The following KIAA0513 variants were observed in gnomAD, a reference collection of about 807,000 sequenced individuals.
KIAA0513 encodes the protein KIAA0513, also known as uncharacterized protein KIAA0513.
KIAA0513 carries 39 observed loss-of-function variants against 56.5 expected under a neutral mutation model. The ratio of observed to expected loss-of-function variants is 0.69; its 90% CI spans 0.53 to 0.90. KIAA0513 has a LOEUF of 0.90. Among genes scored for constraint, KIAA0513 ranks in the 40% least tolerant of loss-of-function variants. The probability of loss-of-function intolerance (pLI) is 0.00; values close to 1 mark genes in which losing one functional copy is unlikely to be tolerated. For synonymous variants in KIAA0513, 268 were observed against 215.6 expected, an observed-to-expected ratio of 1.24 and a Z score of -2.13; for missense variants, 591 against 535.2, an observed-to-expected ratio of 1.10 and a Z score of -1.03.
At chr16:85,061,131 T>G (rs2073398585) in intron 1 of KIAA0513, among the ~76,000 whole-genome samples, 1 of 149,072 alleles carries the variant, frequency 6.7e-6, no homozygotes, top group Admixed American at 6.8e-5. Flanking sequence ...CCATCCAGCC[T>G]GGGCGACAGA....
chr16:85,047,623 C>T (rs1268681041), intron 1 of KIAA0513, among the ~76,000 whole-genome samples: 2 of 152,178 alleles, frequency 1.3e-5, no homozygotes, highest in Non-Finnish European at 2.9e-5. Context: ...TCACTGTTGC[C>T]ACCACTGCCG....
At chr16:85,040,249 CGGG>C (rs1362030790) in intron 1 of KIAA0513, among the ~76,000 whole-genome samples, 2 of 152,214 alleles carry the variant, frequency 1.3e-5, no homozygotes, top group Admixed American at 1.3e-4. Flanking sequence ...TGTGACAACT[CGGG>C]GGTGCTTCTG....
Position 85,067,024 on chromosome 16 carries a change from C to T in KIAA0513, c.-48C>T, listed in dbSNP as rs1286747090. 4 of 1,486,770 alleles carry T rather than the reference C, an allele frequency of 2.7e-6. No individual in the cohort carries two copies. In the African/African-American group the frequency reaches 5.6e-5, roughly 21 times the overall value. The allele number at this position is 1,486,770 out of a possible 1,614,324, so 92.1% of individuals were successfully genotyped here. On this transcript the variant is annotated 5_prime_UTR_variant, in exon 2 of 13. Transcript: ENST00000683363. ...GGACACCAGGCTGCTGGGCTCCCCTCTAGGCAGCCTCCCCTCCAGGCAGCC... is the reference window on the plus strand; with the variant it reads ...GGACACCAGGCTGCTGGGCTCCCCTTTAGGCAGCCTCCCCTCCAGGCAGCC...
intron 1 of KIAA0513, among the ~76,000 whole-genome samples, chr16:85,031,336 T>TA (rs1205262016): frequency 6.6e-6 from 1 of 151,966 alleles, no homozygotes; most frequent in Non-Finnish European, 1.5e-5. Flanking sequence ...AAACAAAAAT[T>TA]AGCCAGGTGT....
At chr16:85,074,022 G>C (rs1295585549) in intron 4 of KIAA0513, among the ~76,000 whole-genome samples, 1 of 151,842 alleles carries the variant, frequency 6.6e-6, no homozygotes, top group African/African-American at 2.4e-5. Flanking sequence ...CTGTCACCCA[G>C]GCTGGAGTGC....
At chr16:85,028,849 C>T (rs1177062370) in intron 1 of KIAA0513, among the ~76,000 whole-genome samples, 1 of 152,082 alleles carries the variant, frequency 6.6e-6, no homozygotes, top group Admixed American at 6.5e-5. Flanking sequence ...TGTGGTGAGT[C>T]AGTGTTAGAG....
intron 1 of KIAA0513, among the ~76,000 whole-genome samples, chr16:85,062,842 A>T (rs1234331087): frequency 6.6e-6 from 1 of 152,154 alleles, no homozygotes; most frequent in Non-Finnish European, 1.5e-5. Flanking sequence ...GATGGCCAAG[A>T]CTGTGACCCT....
chr16:85,074,684 A>C (rs1402885476), intron 4 of KIAA0513, among the ~76,000 whole-genome samples: 1 of 152,170 alleles, frequency 6.6e-6, no homozygotes, highest in Non-Finnish European at 1.5e-5. Context: ...CTAAGAAACC[A>C]CTGAAAGAGG....
chr16:85,087,668 G>GCCCGTCCCTGTGTGC (rs1213935327), intron 12 of KIAA0513, among the ~76,000 whole-genome samples: 1 of 152,154 alleles, frequency 6.6e-6, no homozygotes, highest in Admixed American at 6.5e-5. Context: ...CTTGCTGGGG[G>GCCCGTCCCTGTGTGC]CCCGTCCCTG....
At chr16:85,031,297 A>G (rs997852938) in intron 1 of KIAA0513, among the ~76,000 whole-genome samples, 1 of 152,136 alleles carries the variant, frequency 6.6e-6, no homozygotes, top group African/African-American at 2.4e-5. Flanking sequence ...CCTGGGCAAC[A>G]TGGCAAAACC....
chr16:85,056,110 T>A (rs767367074), intron 1 of KIAA0513, among the ~76,000 whole-genome samples: 11 of 152,230 alleles, frequency 7.2e-5, no homozygotes, highest in Admixed American at 2.0e-4. Context: ...CCTGTCCATG[T>A]GAGAAGCACG....
intron 1 of KIAA0513, among the ~76,000 whole-genome samples, chr16:85,059,833 T>G (rs955354848): frequency 1.3e-5 from 2 of 152,226 alleles, no homozygotes; most frequent in African/African-American, 4.8e-5. Flanking sequence ...CTAAGGCCCT[T>G]CATGTAGTGC....
chr16:85,061,833 G>T (rs1015252101), intron 1 of KIAA0513, among the ~76,000 whole-genome samples: 1 of 152,162 alleles, frequency 6.6e-6, no homozygotes, highest in African/African-American at 2.4e-5. Context: ...GGGGCGGAAG[G>T]GGTTGCAGCA....
chr16:85,085,537 A>G (rs2073798453), intron 10 of KIAA0513, among the ~76,000 whole-genome samples: 1 of 152,306 alleles, frequency 6.6e-6, no homozygotes, highest in South Asian at 2.1e-4. Flanking sequence ...TTAGGGGGAA[A>G]GGGGCTCAAA....
intron 10 of KIAA0513, among the ~76,000 whole-genome samples, chr16:85,083,522 C>G (rs559840891): frequency 1.3e-5 from 2 of 152,300 alleles, no homozygotes; most frequent in South Asian, 4.1e-4. Context: ...GTGTGTTTAA[C>G]CAGCCTTCCA....
chr16:85,044,989 G>A (rs1000915678), intron 1 of KIAA0513, among the ~76,000 whole-genome samples: 1 of 151,974 alleles, frequency 6.6e-6, no homozygotes. Flanking sequence ...GTGGTGGTGG[G>A]CACCTGTAGT....
chr16:85,077,658 C>T (rs765892585), intron 6 of KIAA0513, 26 bp downstream of exon 6: 2 of 1,553,090 alleles, frequency 1.3e-6, no homozygotes, highest in Non-Finnish European at 1.8e-6. Flanking sequence ...GGGTCCCTCC[C>T]ACCTGCAGGG....
chr16:85,068,461 T>A (rs1365093455), intron 2 of KIAA0513, among the ~76,000 whole-genome samples: 1 of 152,088 alleles, frequency 6.6e-6, no homozygotes, highest in African/African-American at 2.4e-5. Context: ...GCCTCCCAAG[T>A]AGCTGGGACT....
Position 85,081,308 on chromosome 16 carries a change from C to T in KIAA0513, c.903-7C>T. 1 of 1,613,050 alleles carries T rather than the reference C, an allele frequency of 6.2e-7. No individual in the cohort carries two copies. Among genetic ancestry groups the T allele is most frequent in the South Asian group, 1.1e-5 (1 of 90,780 alleles). On this transcript the variant is annotated splice_polypyrimidine_tract_variant and splice_region_variant and intron_variant, in intron 8 of 12. Coordinates refer to ENST00000683363, the MANE Select transcript of KIAA0513 (RefSeq NM_001388359.1). The surrounding 1 kb of genome is among the most constrained non-coding windows in gnomAD (Gnocchi z 4.4). The stretch of plus-strand genomic sequence containing the variant: ...GGAGAGAGTGTGACTGGGGCTCTGT[C>T]TTGCAGGCACACTCTGAGGTTCTGG...
Sources: gnomAD v4.1 joint callset for allele counts (sites outside exome capture counted in the v4.1 genomes callset) on GRCh38, gnomAD v4.1.1 for gene constraint, Gnocchi (gnomAD v3.1) non-coding constraint, MANE v1.5 for transcripts, NCBI Gene and HGNC (gene_info 2026-07-23, HGNC 2026-07-21) for gene names.